PRKCB: variants seen among roughly 807,000 people sequenced by gnomAD.
The protein encoded by PRKCB is protein kinase C beta type.
In PRKCB, 13 loss-of-function variants were observed where a neutral mutation model predicts 81.5. The observed-to-expected ratio is 0.16, with a 90% confidence interval of 0.10 to 0.25. PRKCB has a LOEUF of 0.25. Among genes scored for constraint, PRKCB ranks in the 10% least tolerant of loss-of-function variants. The pLI is 1.00. For missense variants in PRKCB, 509 were observed against 875.7 expected, an observed-to-expected ratio of 0.58 and a Z score of 5.29; for synonymous variants, 335 against 321.4, an observed-to-expected ratio of 1.04 and a Z score of -0.45.
Position 24,021,072 on chromosome 16 carries a change from C to T in PRKCB, c.289-11064C>T, listed in dbSNP as rs66519435. Among the ~76,000 whole-genome samples, 390 of 94,068 alleles carry T rather than the reference C, an allele frequency of 4.1e-3. 13 individuals are homozygous for T. Among genetic ancestry groups the T allele is most frequent in the African/African-American group, 0.013 (310 of 23,332 alleles). 61.7% of individuals were successfully genotyped at this position (94,068 alleles called of 152,430 possible). On this transcript the variant is annotated intron_variant, in intron 3 of 16. Transcript: ENST00000643927. The stretch of plus-strand genomic sequence containing the variant: ...TTTCTTTCTTTCCCTCCCTCCCTCC[C>T]TTCTTTCTTTCTTTCTTTTTTTCTT...
intron 2 of PRKCB, among the ~76,000 whole-genome samples, chr16:23,931,285 C>T (rs1433869160): frequency 1.3e-5 from 2 of 152,178 alleles, no homozygotes; most frequent in Non-Finnish European, 2.9e-5. Flanking sequence ...GGGACCAGGA[C>T]CAGAATTCAG....
chr16:23,985,799 C>T (rs1457723959), intron 2 of PRKCB, among the ~76,000 whole-genome samples: 1 of 152,102 alleles, frequency 6.6e-6, no homozygotes, highest in Non-Finnish European at 1.5e-5. Flanking sequence ...TGAGGGTGGA[C>T]TTGCCCTGCC....
intron 2 of PRKCB, among the ~76,000 whole-genome samples, chr16:23,844,665 G>A (rs908333489): frequency 2.1e-4 from 32 of 151,740 alleles, no homozygotes; most frequent in African/African-American, 6.8e-4. Context: ...CCACCACCTC[G>A]CCCGGCTAAT....
chr16:23,967,154 C>A (rs990004310), intron 2 of PRKCB, among the ~76,000 whole-genome samples: 1 of 152,068 alleles, frequency 6.6e-6, no homozygotes, highest in Non-Finnish European at 1.5e-5. Context: ...ATTTCAAGGT[C>A]GTTGGTGTGG....
At chr16:23,928,838 C>G (rs1301809306) in intron 2 of PRKCB, among the ~76,000 whole-genome samples, 1 of 151,976 alleles carries the variant, frequency 6.6e-6, no homozygotes, top group Non-Finnish European at 1.5e-5. Flanking sequence ...CCTGCCTCAG[C>G]CTCCCAAGTA....
Position 24,217,134 on chromosome 16 carries a change from GAGAA to G in PRKCB, c.*2321_*2324del, listed in dbSNP as rs1968240369. 8.2e-6 allele frequency: 8 copies of G among 980,204 alleles called. No individual in the cohort carries two copies. The highest frequency in any genetic ancestry group is 7.1e-5 in the African/African-American group (4 of 56,358). 60.7% of individuals were successfully genotyped at this position (980,204 alleles called of 1,614,324 possible). A position where few individuals can be genotyped will look rare whatever the true frequency, so the allele number is the denominator to read the frequency against. Reference sequence around the variant, plus strand: ...AAAAAGAAAGAAGGAAAGAAAGAAAGAGAAAGGAAGGAAGGAAAGAAGGAAGGAA... The same window carrying G: ...AAAAAGAAAGAAGGAAAGAAAGAAAGAGGAAGGAAGGAAAGAAGGAAGGAA... On this transcript the variant is annotated 3_prime_UTR_variant, in exon 17 of 17. Transcript: ENST00000643927.
At chr16:23,978,934 G>A (rs549540857) in intron 2 of PRKCB, among the ~76,000 whole-genome samples, 4 of 152,328 alleles carry the variant, frequency 2.6e-5, no homozygotes, top group South Asian at 4.1e-4. Flanking sequence ...CACACTGGGC[G>A]CTGCAGATTT....
chr16:24,110,817 C>T (rs1966667374), intron 7 of PRKCB, among the ~76,000 whole-genome samples: 1 of 152,034 alleles, frequency 6.6e-6, no homozygotes, highest in Non-Finnish European at 1.5e-5. Flanking sequence ...ACCACGACGA[C>T]CTGTTTATCT....
At chr16:24,108,817 T>G (rs1966616543) in intron 7 of PRKCB, among the ~76,000 whole-genome samples, 3 of 152,002 alleles carry the variant, frequency 2.0e-5, no homozygotes, top group Non-Finnish European at 4.4e-5. Context: ...TGCCTTTCTA[T>G]TCCACAAAGC....
In PRKCB at chr16:24,117,674, G is replaced by A. The variant is rs576544650; in HGVS notation, c.918+4605G>A. Among the ~76,000 whole-genome samples the A allele has an allele frequency of 2.6e-5, 4 of 152,278 alleles. No individual in the cohort carries two copies. The South Asian group carries it at 8.3e-4, about 32-fold the overall frequency. On this transcript the variant is annotated intron_variant, in intron 8 of 16. Coordinates refer to ENST00000643927, the MANE Select transcript of PRKCB (RefSeq NM_002738.7). ...AGAAACAGACTATAAGGATTCAAGT[G>A]CAAGTACTTTATTTGAGAGGTGATC...
At chr16:23,977,605 C>T (rs920213668) in intron 2 of PRKCB, among the ~76,000 whole-genome samples, 44 of 152,248 alleles carry the variant, frequency 2.9e-4, no homozygotes, top group Admixed American at 1.8e-3. Flanking sequence ...CATGTGGTCG[C>T]GCATACAGAG....
At chr16:24,162,026 C>A (rs1197869760) in intron 10 of PRKCB, among the ~76,000 whole-genome samples, 1 of 150,556 alleles carries the variant, frequency 6.6e-6, no homozygotes, top group African/African-American at 2.4e-5. Context: ...TGAACATATG[C>A]ACCTCTTTTT....
chr16:24,058,992 A>C (rs1157259306), intron 5 of PRKCB, among the ~76,000 whole-genome samples: 6 of 135,516 alleles, frequency 4.4e-5, no homozygotes, highest in Non-Finnish European at 3.2e-5. Context: ...AGGAGTCAGG[A>C]CTAACAGAGA....
At chr16:24,096,666 A>AAAAAAAAAAAAAATAT (rs1406204037) in intron 7 of PRKCB, among the ~76,000 whole-genome samples, 7 of 32,688 alleles carry the variant, frequency 2.1e-4, no homozygotes, top group African/African-American at 2.9e-4. Flanking sequence ...AAAAAAAAAA[A>AAAAAAAAAAAAAATAT]ATATATATAT....
At chr16:24,021,197 T>C (rs1311608140) in intron 3 of PRKCB, among the ~76,000 whole-genome samples, 3 of 30,558 alleles carry the variant, frequency 9.8e-5, no homozygotes, top group Non-Finnish European at 1.1e-4. Context: ...CCTCTTTCTT[T>C]CTTTCTTTCT....
At position 24,215,813 on chromosome 16, in the gene PRKCB, GT is replaced by G; in HGVS notation, c.*1000del. On this transcript the variant is annotated 3_prime_UTR_variant, in exon 17 of 17. Coordinates refer to ENST00000643927, the MANE Select transcript of PRKCB (RefSeq NM_002738.7). Reference sequence around the variant, plus strand: ...GGAATGGGATTTGTTACAAATCTAGGTTTGTTACTGGCTTCAGAAAGCTAAT... The same window carrying G: ...GGAATGGGATTTGTTACAAATCTAGGTTGTTACTGGCTTCAGAAAGCTAAT... 1.0e-6 allele frequency: 1 copy of G among 985,652 alleles called. No individual in the cohort carries two copies. Among genetic ancestry groups the G allele is most frequent in the South Asian group, 4.7e-5 (1 of 21,272 alleles). The allele number at this position is 985,652 out of a possible 1,614,324, so 61.1% of individuals were successfully genotyped here.
chr16:24,109,063 G>A (rs1253165404), intron 7 of PRKCB, among the ~76,000 whole-genome samples: 14 of 149,228 alleles, frequency 9.4e-5, no homozygotes, highest in African/African-American at 3.5e-4. Flanking sequence ...AGATGGGGCG[G>A]CTGGCCGGGC....
At position 24,219,711 on chromosome 16, in the gene PRKCB, T is replaced by TGG. The variant is rs201572518; in HGVS notation, c.*4896_*4897dup. The stretch of plus-strand genomic sequence containing the variant: ...ACACACACACACACACACCACTTTA[T>TGG]GGCAATTCTTAACTGACATTCAATG... On this transcript the variant is annotated 3_prime_UTR_variant, in exon 17 of 17. Coordinates refer to ENST00000643927, the MANE Select transcript of PRKCB (RefSeq NM_002738.7). 1.3e-3 allele frequency: 1,729 copies of TGG among 1,327,050 alleles called. 20 individuals are homozygous for TGG. In the African/African-American group the frequency reaches 0.024, roughly 18 times the overall value. The allele number at this position is 1,327,050 out of a possible 1,614,324, so 82.2% of individuals were successfully genotyped here. A position where few individuals can be genotyped will look rare whatever the true frequency, so the allele number is the denominator to read the frequency against.
At chr16:24,006,371 C>G (rs1965121543) in intron 3 of PRKCB, among the ~76,000 whole-genome samples, 1 of 152,188 alleles carries the variant, frequency 6.6e-6, no homozygotes, top group South Asian at 2.1e-4. Flanking sequence ...TCTGTGCAGG[C>G]TAACGAAGAA....
Sources: allele counts gnomAD v4.1 joint callset (sites outside exome capture counted in the v4.1 genomes callset), GRCh38; gene constraint gnomAD v4.1.1; transcripts MANE v1.5; gene names NCBI Gene and HGNC (gene_info 2026-07-23, HGNC 2026-07-21).